Variants in CSN1S1 observed in about 807,000 individuals in gnomAD.
CSN1S1 encodes the protein casein alpha s1.
Under a neutral mutation model 49.1 loss-of-function variants are expected in CSN1S1, and 63 were observed. The ratio of observed to expected loss-of-function variants is 1.28; its 90% CI spans 1.05 to 1.58. The LOEUF (loss-of-function observed/expected upper bound fraction) is 1.58. Among genes scored for constraint, CSN1S1 ranks in the 40% most tolerant of loss-of-function variants. CSN1S1 has a pLI of 0.00. For synonymous variants in CSN1S1, 78 were observed against 67.1 expected, an observed-to-expected ratio of 1.16 and a Z score of -0.79; for missense variants, 260 against 224.7, an observed-to-expected ratio of 1.16 and a Z score of -1.01.
intron 14 of CSN1S1, among the ~76,000 whole-genome samples, chr4:69,943,096 A>C (rs1185009996): frequency 1.3e-5 from 2 of 151,268 alleles, no homozygotes; most frequent in East Asian, 3.9e-4. Flanking sequence ...AAGTAAAAAG[A>C]AAATAAAGGC....
Position 69,942,458 on chromosome 4 carries a change from A to G in CSN1S1, c.361-78A>G, listed in dbSNP as rs759889396. 3.6e-6 allele frequency: 4 copies of G among 1,102,264 alleles called. No homozygotes were observed. In the African/African-American group the frequency reaches 6.2e-5, roughly 17 times the overall value. The allele number at this position is 1,102,264 out of a possible 1,614,324, so 68.3% of individuals were successfully genotyped here. On this transcript the variant is annotated intron_variant, in intron 13 of 15. Transcript: ENST00000246891. ...AAATTTCATGAATGATGTTATGTAT[A>G]CTTCTGGTGCAATGTAAGATAAATG...
At chr4:69,941,811 G>A (rs1722976046) in intron 12 of CSN1S1, among the ~76,000 whole-genome samples, 1 of 151,676 alleles carries the variant, frequency 6.6e-6, no homozygotes, top group Non-Finnish European at 1.5e-5. Context: ...CATCATTATT[G>A]ATCTAGAAAA....
At chr4:69,935,151 A>G (rs1247240598) in intron 4 of CSN1S1, among the ~76,000 whole-genome samples, 2 of 152,084 alleles carry the variant, frequency 1.3e-5, no homozygotes, top group Non-Finnish European at 2.9e-5. Context: ...AAAGAAGGAA[A>G]GTTTCTCAGG....
chr4:69,942,800 G>A (rs1445137508), intron 14 of CSN1S1, among the ~76,000 whole-genome samples: 1 of 151,754 alleles, frequency 6.6e-6, no homozygotes, highest in Non-Finnish European at 1.5e-5. Flanking sequence ...AACAATATGT[G>A]TCTATCAATT....
At chr4:69,933,434 C>G (rs1722671767) in intron 2 of CSN1S1, among the ~76,000 whole-genome samples, 1 of 151,954 alleles carries the variant, frequency 6.6e-6, no homozygotes, top group Non-Finnish European at 1.5e-5. Flanking sequence ...GACTTGTTCT[C>G]TAAATTCTCC....
Position 69,944,896 on chromosome 4 carries a change from G to A in CSN1S1, c.449G>A (p.Trp150Ter), listed in dbSNP as rs1723106687. The A allele has an allele frequency of 6.2e-7, 1 of 1,612,838 alleles. No individual in the cohort carries two copies. The highest frequency in any genetic ancestry group is 8.5e-7 in the Non-Finnish European group (1 of 1,179,236). ...CTTGCTGCCTACCCCTATGCTGTTT[G>A]GTACTATCCACAAATCATGCAGTAT... ...NQLAAYPYAV[W>*]YYPQIMQYVP... Residue 150 changes from tryptophan (W) to a stop codon, truncating the protein, a stop_gained, in exon 15 of 16, where the codon TGG (tryptophan) becomes TAG (stop). Transcript: ENST00000246891. LOFTEE classifies it high-confidence loss of function.
At chr4:69,937,183 G>A in intron 8 of CSN1S1, 39 bp downstream of exon 8, 5 of 1,381,880 alleles carry the variant, frequency 3.6e-6, no homozygotes, top group Non-Finnish European at 4.9e-6. Context: ...ACCAATATGA[G>A]GAAAAGAAAC....
chr4:69,944,093 C>A lies in CSN1S1; in HGVS notation c.403-757C>A, dbSNP rs142900681. ...TTACCTTATTTTATCTTAAAAAATT[C>A]TAGATTTTATATTTGTTTTAATCTT... On this transcript the variant is annotated intron_variant, in intron 14 of 15. Coordinates refer to ENST00000246891, the MANE Select transcript of CSN1S1 (RefSeq NM_001890.2). 3.0e-4 allele frequency among the ~76,000 whole-genome samples: 46 copies of A among 151,928 alleles called. 1 individual carries two copies. The highest frequency in any genetic ancestry group is 9.9e-4 in the African/African-American group (41 of 41,496).
Position 69,936,392 on chromosome 4 carries a change from A to C in CSN1S1, c.130-64A>C, listed in dbSNP as rs1722784436. 4.1e-6 allele frequency: 5 copies of C among 1,234,176 alleles called. No individual in the cohort carries two copies. The Admixed American group carries it at 6.0e-5, about 15-fold the overall frequency. 76.5% of individuals were successfully genotyped at this position (1,234,176 alleles called of 1,614,324 possible). A position where few individuals can be genotyped will look rare whatever the true frequency, so the allele number is the denominator to read the frequency against. On this transcript the variant is annotated intron_variant, in intron 5 of 15. Transcript: ENST00000246891. The stretch of plus-strand genomic sequence containing the variant: ...CACGATGTGAAGTACAGTTTCTCAT[A>C]GATTTCCACTCATGTATGTCTTGTT...
chr4:69,939,893 T>A lies in CSN1S1; in HGVS notation c.277-128T>A, dbSNP rs3736267. On this transcript the variant is annotated intron_variant, in intron 10 of 15. Transcript: ENST00000246891. ...AAATTATTAATCTTGTCTCAGTTTT[T>A]TGGGAATTTATCACTAAAATCAATT... 388 of 568,540 alleles carry A rather than the reference T, an allele frequency of 6.8e-4. 4 individuals carry two copies. The East Asian group carries it at 0.013, about 18-fold the overall frequency. 35.2% of individuals were successfully genotyped at this position (568,540 alleles called of 1,614,324 possible).
At chr4:69,935,693 C>T (rs903720180) in intron 4 of CSN1S1, among the ~76,000 whole-genome samples, 1 of 152,062 alleles carries the variant, frequency 6.6e-6, no homozygotes, top group African/African-American at 2.4e-5. Flanking sequence ...ACGTTTGCCT[C>T]TCCAAAACAC....
At chr4:69,941,777 A>T (rs926362545) in intron 12 of CSN1S1, among the ~76,000 whole-genome samples, 1 of 151,958 alleles carries the variant, frequency 6.6e-6, no homozygotes, top group African/African-American at 2.4e-5. Context: ...ATAAATTTAA[A>T]CACATTAGTA....
intron 14 of CSN1S1, among the ~76,000 whole-genome samples, chr4:69,942,802 CTA>C (rs1723018193): frequency 1.3e-5 from 2 of 151,874 alleles, no homozygotes; most frequent in Admixed American, 1.3e-4. Context: ...CAATATGTGT[CTA>C]TCAATTTATT....
intron 10 of CSN1S1, 151 bp from the exon 11 acceptor site, chr4:69,939,870 A>G: frequency 1.9e-6 from 1 of 518,048 alleles, no homozygotes. Context: ...TGTGGTTCAA[A>G]TTATTAATCT....
intron 3 of CSN1S1, 148 bp from the exon 4 acceptor site, chr4:69,934,542 T>G (rs1013359794): frequency 1.5e-5 from 11 of 717,398 alleles, no homozygotes; most frequent in Non-Finnish European, 2.4e-5. Flanking sequence ...GTTACACATA[T>G]TCAAGCATGT....
rs1560386047 is a variant in CSN1S1, at chr4:69,934,672, A to G, written c.85-18A>G. 1 of 1,602,784 alleles carries G rather than the reference A, an allele frequency of 6.2e-7. No individual in the cohort carries two copies. The highest frequency in any genetic ancestry group is 8.5e-7 in the Non-Finnish European group (1 of 1,170,856). The stretch of plus-strand genomic sequence containing the variant: ...TGCAATTGGAATAATACCATTTAAA[A>G]ATTATTATTTTTTACAGAATCCATC... On this transcript the variant is annotated intron_variant, in intron 3 of 15. Coordinates refer to ENST00000246891, the MANE Select transcript of CSN1S1 (RefSeq NM_001890.2).
chr4:69,933,752 G>A (rs138963645), intron 2 of CSN1S1, among the ~76,000 whole-genome samples: 9 of 151,980 alleles, frequency 5.9e-5, no homozygotes, highest in South Asian at 2.1e-4. Context: ...ATCAATTTTC[G>A]TATAATTTAA....
intron 3 of CSN1S1, 77 bp from the exon 4 acceptor site, chr4:69,934,613 T>C: frequency 7.2e-7 from 1 of 1,389,264 alleles, no homozygotes; most frequent in Non-Finnish European, 1.0e-6. Context: ...CTACCACAAC[T>C]TTCTATGAGC....
chr4:69,942,397 T>G (rs1723000761), intron 13 of CSN1S1, 139 bp from the exon 14 acceptor site: 5 of 749,684 alleles, frequency 6.7e-6, no homozygotes, highest in Non-Finnish European at 6.5e-6. Context: ...GTTTTGACAT[T>G]TTTTGCTAAC....
Sources: gnomAD v4.1 joint callset for allele counts (sites outside exome capture counted in the v4.1 genomes callset) on GRCh38, gnomAD v4.1.1 for gene constraint, MANE v1.5 for transcripts, NCBI Gene and HGNC (gene_info 2026-07-23, HGNC 2026-07-21) for gene names.